Variants in CCDC40 observed in about 807,000 individuals in gnomAD.
The protein encoded by CCDC40 is coiled-coil domain-containing protein 40.
In CCDC40, 104 loss-of-function variants were observed where a neutral mutation model predicts 124.5. The ratio of observed to expected loss-of-function variants is 0.84; its 90% CI spans 0.71 to 0.98. The LOEUF is 0.98. Ranked by LOEUF, CCDC40 falls within the 50% of genes least tolerant of loss-of-function variation. The probability of loss-of-function intolerance (pLI) is 0.00; values close to 1 mark genes in which losing one functional copy is unlikely to be tolerated. For synonymous variants in CCDC40, 580 were observed against 602.9 expected (o/e 0.96, Z 0.56); for missense variants, 1,463 against 1,503.9 (o/e 0.97, Z 0.45).
chr17:80,046,882 GTT>G (rs1275170215), intron 3 of CCDC40, among the ~76,000 whole-genome samples: 2 of 152,138 alleles, frequency 1.3e-5, no homozygotes, highest in African/African-American at 4.8e-5. Flanking sequence ...GTCTTGCTCT[GTT>G]GCCCAGGCTG....
chr17:80,087,977 T>G lies in CCDC40; in HGVS notation c.2620-34T>G, dbSNP rs1422391183. ...CCCGGCATCCACAATCCCATGGCCC[T>G]CCCCACAGCTGTCCCGCCCCCTCCC... is the stretch of plus-strand genomic sequence containing the variant. On this transcript the variant is annotated intron_variant, in intron 15 of 19. Coordinates refer to ENST00000397545, the MANE Select transcript of CCDC40 (RefSeq NM_017950.4). This position sits in a 1 kb window ranked among gnomAD's most constrained non-coding sequence, Gnocchi z 4.5. 2 of 1,496,260 alleles carry G rather than the reference T, an allele frequency of 1.3e-6. No individual in the cohort carries two copies. Among genetic ancestry groups the G allele is most frequent in the Middle Eastern group, 1.7e-4 (1 of 5,776 alleles). 92.7% of individuals were successfully genotyped at this position (1,496,260 alleles called of 1,614,324 possible).
In CCDC40 at chr17:80,038,105, T is replaced by C. The variant is rs2037176774; in HGVS notation, c.30-18T>C. 2 of 1,579,940 alleles carry C rather than the reference T, an allele frequency of 1.3e-6. No homozygotes were observed. Among genetic ancestry groups the C allele is most frequent in the East Asian group, 4.5e-5 (2 of 44,646 alleles). On this transcript the variant is annotated intron_variant, in intron 1 of 19. Coordinates refer to ENST00000397545, the MANE Select transcript of CCDC40 (RefSeq NM_017950.4). ...AAAGCTGTTGCTTGAAACTGTTCAA[T>C]TGTTTCTCTAAAACCAGGTCCCATC...
rs968397155 is a variant in CCDC40 at position 80,045,019 on chromosome 17, G to A, written c.553-2260G>A. ...TCTCATTAGGAGAAGCCACTGCTGC[G>A]CACCCTGGAGATGGGTTTTGACCCT... On this transcript the variant is annotated intron_variant, in intron 3 of 19. Transcript: ENST00000397545. 6.6e-5 allele frequency among the ~76,000 whole-genome samples: 10 copies of A among 152,244 alleles called. No homozygotes were observed. The East Asian group carries it at 9.7e-4, about 15-fold the overall frequency.
At chr17:80,098,667 G>A (rs1032641505) in intron 19 of CCDC40, among the ~76,000 whole-genome samples, 1 of 152,248 alleles carries the variant, frequency 6.6e-6, no homozygotes, top group Non-Finnish European at 1.5e-5. Context: ...AGCCGGGCAC[G>A]GTGGCTCATG....
intron 7 of CCDC40, among the ~76,000 whole-genome samples, chr17:80,057,076 G>T (rs992834505): frequency 1.3e-5 from 2 of 151,240 alleles, no homozygotes; most frequent in Non-Finnish European, 2.9e-5. Flanking sequence ...TCCTCAAAGA[G>T]AACTTAGAGG....
chr17:80,090,841 GT>G, intron 17 of CCDC40: 1 of 1,157,668 alleles, frequency 8.6e-7, no homozygotes. Context: ...CCTCTGCTGA[GT>G]TATTTTTCAG....
intron 4 of CCDC40, among the ~76,000 whole-genome samples, chr17:80,048,052 T>A (rs3829609): frequency 0.32 from 48,642 of 152,008 alleles, 10,553 homozygotes; most frequent in African/African-American, 0.62. Flanking sequence ...TGAGGTCAGG[T>A]GTTCGAGACC....
chr17:80,046,814 T>G (rs1407479821), intron 3 of CCDC40, among the ~76,000 whole-genome samples: 1 of 152,172 alleles, frequency 6.6e-6, no homozygotes, highest in Non-Finnish European at 1.5e-5. Flanking sequence ...ATGTCTTCCC[T>G]TCATAAAAAC....
chr17:80,089,848 G>T lies in CCDC40; in HGVS notation c.2796G>T (p.Glu932Asp). The change falls in exon 17 of 20, where the codon GAG becomes GAT. Residue 932 changes from glutamate (E) to aspartate (D), a missense_variant. Glu to Asp is a conservative substitution (Grantham distance 45). Transcript: ENST00000397545. ...TGGATTCCGAGATCGGCCAGACGGAGATCCGGGCCATGAAGGGCGAGATCC... is the reference window on the plus strand; with the variant it reads ...TGGATTCCGAGATCGGCCAGACGGATATCCGGGCCATGAAGGGCGAGATCC... ...SSVDSEIGQT[E>D]IRAMKGEIHR... 1 of 1,614,252 alleles carries T rather than the reference G, an allele frequency of 6.2e-7. No homozygotes were observed. Among genetic ancestry groups the T allele is most frequent in the South Asian group, 1.1e-5 (1 of 91,086 alleles).
Position 80,066,128 on chromosome 17 carries a change from G to A in CCDC40, c.1562+522G>A. 1.4e-6 allele frequency: 1 copy of A among 702,982 alleles called. No individual in the cohort carries two copies. The highest frequency in any genetic ancestry group is 2.6e-6 in the Non-Finnish European group (1 of 384,996). 43.5% of individuals were successfully genotyped at this position (702,982 alleles called of 1,614,324 possible). A position where few individuals can be genotyped will look rare whatever the true frequency, so the allele number is the denominator to read the frequency against. On this transcript the variant is annotated intron_variant, in intron 10 of 19. Transcript: ENST00000397545. This position sits in a 1 kb window ranked among gnomAD's most constrained non-coding sequence, Gnocchi z 4.4. Reference sequence around the variant, plus strand: ...TGCCTTCATTCCTAAAACCACCCAGGGTGACCAGGTCTCGGGACGCGGAAA... The same window carrying A: ...TGCCTTCATTCCTAAAACCACCCAGAGTGACCAGGTCTCGGGACGCGGAAA...
chr17:80,051,634 A>T (rs1204158421), intron 7 of CCDC40, among the ~76,000 whole-genome samples: 2 of 46,824 alleles, frequency 4.3e-5, no homozygotes, highest in African/African-American at 2.0e-4. Context: ...GTCTCAAAAA[A>T]AAAAAAAAAA....
rs945039860 is a variant in CCDC40 at position 80,044,265 on chromosome 17, C to T, written c.553-3014C>T. On this transcript the variant is annotated intron_variant, in intron 3 of 19. Transcript: ENST00000397545. ...TCCTACTCCCCTACCCTGGGAAACC[C>T]GAAAGAGTTTCTAAAAGTCACTTTG... Among the ~76,000 whole-genome samples, 3 of 152,216 alleles carry T rather than the reference C, an allele frequency of 2.0e-5. 1 individual carries two copies.
At chr17:80,038,279 CCAA>C in intron 2 of CCDC40, 93 bp downstream of exon 2, 1 of 885,054 alleles carries the variant, frequency 1.1e-6, no homozygotes, top group South Asian at 1.4e-5. Context: ...GCCTGTAATC[CCAA>C]CACTTTGGGA....
At chr17:80,057,692 T>A (rs947278983) in intron 7 of CCDC40, among the ~76,000 whole-genome samples, 9 of 151,648 alleles carry the variant, frequency 5.9e-5, no homozygotes, top group Non-Finnish European at 1.3e-4. Flanking sequence ...CTGGCTAACA[T>A]GGTGAAACCC....
At chr17:80,060,225 C>T (rs1301301875) in intron 9 of CCDC40, among the ~76,000 whole-genome samples, 2 of 151,932 alleles carry the variant, frequency 1.3e-5, no homozygotes, top group African/African-American at 2.4e-5. Context: ...ACCCTAGCAT[C>T]GCCGCACCAA....
chr17:80,037,688 A>AAAATATATATATAT, intron 1 of CCDC40, among the ~76,000 whole-genome samples: 8 of 45,704 alleles, frequency 1.8e-4, no homozygotes, highest in African/African-American at 4.7e-4. Context: ...TTTTTTAAAA[A>AAAATATATATATAT]AGATATACAT....
At chr17:80,069,473 C>A (rs1201609008) in intron 10 of CCDC40, among the ~76,000 whole-genome samples, 3 of 152,278 alleles carry the variant, frequency 2.0e-5, no homozygotes, top group South Asian at 4.1e-4. Context: ...GGGTCAGGCG[C>A]GGTGGCTCAC....
In CCDC40 at chr17:80,038,187, G is replaced by A. The variant is rs1194470489; in HGVS notation, c.93+1G>A. ...GGAAGGGAATAATGAAAGCCACATG[G>A]TAAAATTCCCTATGGGCAGTTATTC... is the stretch of plus-strand genomic sequence containing the variant. On this transcript the variant is annotated splice_donor_variant, in intron 2 of 19. Coordinates refer to ENST00000397545, the MANE Select transcript of CCDC40 (RefSeq NM_017950.4). LOFTEE classifies it high-confidence loss of function. 6.3e-7 allele frequency: 1 copy of A among 1,592,974 alleles called. No individual in the cohort carries two copies. Among genetic ancestry groups the A allele is most frequent in the East Asian group, 2.2e-5 (1 of 44,724 alleles).
At chr17:80,095,162 G>A in intron 17 of CCDC40, 101 bp from the exon 18 acceptor site, 2 of 1,087,302 alleles carry the variant, frequency 1.8e-6, no homozygotes, top group Non-Finnish European at 1.4e-6. Flanking sequence ...CGATCCCCAT[G>A]CGTGTCACCG....
Sources: allele counts gnomAD v4.1 joint callset (sites outside exome capture counted in the v4.1 genomes callset), GRCh38; gene constraint gnomAD v4.1.1; non-coding constraint Gnocchi (gnomAD v3.1); transcripts MANE v1.5; gene names NCBI Gene and HGNC (gene_info 2026-07-23, HGNC 2026-07-21).